R3HDM4: variants seen among roughly 807,000 people sequenced by gnomAD.
R3HDM4 encodes the protein R3H domain containing 4, also known as R3H domain-containing protein 4.
In R3HDM4, 30 loss-of-function variants were observed where a neutral mutation model predicts 31.3. The ratio of observed to expected loss-of-function variants is 0.96; its 90% CI spans 0.72 to 1.30. The LOEUF (loss-of-function observed/expected upper bound fraction) is 1.30. Among genes scored for constraint, R3HDM4 ranks in the 50% most tolerant of loss-of-function variants. R3HDM4 has a pLI of 0.00. For synonymous variants in R3HDM4, 196 were observed against 156.6 expected, an observed-to-expected ratio of 1.25 and a Z score of -1.88; for missense variants, 444 against 366.1, an observed-to-expected ratio of 1.21 and a Z score of -1.74.
At chr19:912,695 C>G (rs1476524028) in intron 1 of R3HDM4, among the ~76,000 whole-genome samples, 1 of 93,992 alleles carries the variant, frequency 1.1e-5, no homozygotes, top group Admixed American at 1.4e-4. Flanking sequence ...GGGGTGGACC[C>G]GGGAATGGAG....
intron 1 of R3HDM4, among the ~76,000 whole-genome samples, chr19:908,848 A>G (rs1221530067): frequency 1.3e-5 from 2 of 151,666 alleles, no homozygotes; most frequent in Admixed American, 6.6e-5. Flanking sequence ...TTTGCTCCTT[A>G]ATCACTAGCT....
chr19:901,866 C>G lies in R3HDM4; in HGVS notation c.226+110G>C, dbSNP rs1402554334. 6 of 1,402,578 alleles carry G rather than the reference C, an allele frequency of 4.3e-6. No homozygotes were observed. The East Asian group carries it at 9.2e-5, about 21-fold the overall frequency. The allele number at this position is 1,402,578 out of a possible 1,614,324, so 86.9% of individuals were successfully genotyped here. On this transcript the variant is annotated intron_variant, in intron 2 of 7. Transcript: ENST00000361574. Reference sequence around the variant, plus strand: ...CTACAGCTGACACCTCTTTGGGTCCCCAGCCCCACCCAGGCACAGCTCATG... The same window carrying G: ...CTACAGCTGACACCTCTTTGGGTCCGCAGCCCCACCCAGGCACAGCTCATG...
rs1413020560 is a variant in R3HDM4, at chr19:913,071, G to A, written c.71+16C>T. ...CCGCCCCCGGCGCCCGCCGCGCCCC[G>A]CCCGCCCGCGCTCACAGCAGCCGCC... On this transcript the variant is annotated intron_variant, in intron 1 of 7. Coordinates refer to ENST00000361574, the MANE Select transcript of R3HDM4 (RefSeq NM_138774.4). The surrounding 1 kb of genome is among the most constrained non-coding windows in gnomAD (Gnocchi z 5.0). The A allele has an allele frequency of 2.2e-6, 2 of 891,020 alleles. No homozygotes were observed. Among genetic ancestry groups the A allele is most frequent in the African/African-American group, 1.8e-5 (1 of 55,686 alleles). 55.2% of individuals were successfully genotyped at this position (891,020 alleles called of 1,614,324 possible).
chr19:903,242 C>T (rs1485064356), intron 1 of R3HDM4, among the ~76,000 whole-genome samples: 5 of 137,732 alleles, frequency 3.6e-5, no homozygotes, highest in Non-Finnish European at 7.8e-5. Flanking sequence ...CCCCCGCAAA[C>T]CCCCCCCTTA....
chr19:906,685 C>G (rs1023967786), intron 1 of R3HDM4, among the ~76,000 whole-genome samples: 1 of 152,146 alleles, frequency 6.6e-6, no homozygotes, highest in South Asian at 2.1e-4. Context: ...TGCCACACTG[C>G]TTTTGATCGT....
In R3HDM4 at chr19:899,950, C is replaced by T; in HGVS notation, c.561+111G>A. On this transcript the variant is annotated intron_variant, in intron 5 of 7. Transcript: ENST00000361574. This position sits in a 1 kb window ranked among gnomAD's most constrained non-coding sequence, Gnocchi z 6.8. The stretch of plus-strand genomic sequence containing the variant: ...CCCTGGTGCCGCTGTCTGTATCCTG[C>T]CCTGTTTCCCCTGACACGACCTGCA... 1 of 1,164,014 alleles carries T rather than the reference C, an allele frequency of 8.6e-7. No homozygotes were observed. Among genetic ancestry groups the T allele is most frequent in the Admixed American group, 1.9e-5 (1 of 53,580 alleles). The allele number at this position is 1,164,014 out of a possible 1,614,324, so 72.1% of individuals were successfully genotyped here. A position where few individuals can be genotyped will look rare whatever the true frequency, so the allele number is the denominator to read the frequency against.
chr19:906,931 T>G (rs2036912614), intron 1 of R3HDM4, among the ~76,000 whole-genome samples: 1 of 152,134 alleles, frequency 6.6e-6, no homozygotes. Context: ...GTCTCCTGCC[T>G]CAGCCTCCCG....
In R3HDM4 at chr19:901,956, G is replaced by A. The variant is rs114067638; in HGVS notation, c.226+20C>T. On this transcript the variant is annotated intron_variant, in intron 2 of 7. Transcript: ENST00000361574. ...CAAGGCCCAGGAGCCCCCAGGAGGC[G>A]CCTCCCGACCCCTGCTCACTGTTCT... The A allele has an allele frequency of 7.3e-5, 117 of 1,612,552 alleles. No homozygotes were observed. The African/African-American group carries it at 1.2e-3, about 16-fold the overall frequency.
At position 897,245 on chromosome 19, in the gene R3HDM4, T is replaced by G. The variant is rs2036750552; in HGVS notation, c.*192A>C. 1 of 528,618 alleles carries G rather than the reference T, an allele frequency of 1.9e-6. No individual in the cohort carries two copies. The highest frequency in any genetic ancestry group is 3.3e-6 in the Non-Finnish European group (1 of 300,532). 32.7% of individuals were successfully genotyped at this position (528,618 alleles called of 1,614,324 possible). A position where few individuals can be genotyped will look rare whatever the true frequency, so the allele number is the denominator to read the frequency against. ...TGGGAAGCTTGGAGCTGGGATGGCA[T>G]GGGCAGCCCCAGCCGCCAGCGTCTG... On this transcript the variant is annotated 3_prime_UTR_variant, in exon 8 of 8. Coordinates refer to ENST00000361574, the MANE Select transcript of R3HDM4 (RefSeq NM_138774.4).
chr19:897,792 C>T (rs185044780), intron 7 of R3HDM4, among the ~76,000 whole-genome samples: 78 of 152,348 alleles, frequency 5.1e-4, no homozygotes, highest in African/African-American at 1.8e-3. Flanking sequence ...TTCCACTGTG[C>T]GGATGGGGAC....
Position 901,465 on chromosome 19 carries a change from G to A in R3HDM4, c.308C>T (p.Pro103Leu), listed in dbSNP as rs753328874. The change falls in exon 3 of 8, where the codon CCA becomes CTA. Residue 103 changes from proline to leucine, a missense_variant. Physicochemically the swap from Pro to Leu is moderately conservative, Grantham distance 98 (BLOSUM62 -3). Coordinates refer to ENST00000361574, the MANE Select transcript of R3HDM4 (RefSeq NM_138774.4). ...GTTGCAGGCCTCGGCAAAGATGCCT[G>A]GTGATGCAGGGGGTGCCAAGTCCCC... ...EDGDLAPPAS[P>L]GIFAEACNNA... 2 of 1,609,390 alleles carry A rather than the reference G, an allele frequency of 1.2e-6. No homozygotes were observed. Among genetic ancestry groups the A allele is most frequent in the South Asian group, 2.2e-5 (2 of 90,682 alleles).
Position 899,167 on chromosome 19 carries a change from C to G in R3HDM4, c.703+273G>C, listed in dbSNP as rs1396676641. On this transcript the variant is annotated intron_variant, in intron 7 of 7. Coordinates refer to ENST00000361574, the MANE Select transcript of R3HDM4 (RefSeq NM_138774.4). This position sits in a 1 kb window ranked among gnomAD's most constrained non-coding sequence, Gnocchi z 6.8. ...TCAAATCCAGGCTTCATCACCCCCA[C>G]CCCGGGCCCCGAAGATGCAGATGGA... Among the ~76,000 whole-genome samples the G allele has an allele frequency of 6.6e-6, 1 of 152,140 alleles. No individual in the cohort carries two copies. Among genetic ancestry groups the G allele is most frequent in the Non-Finnish European group, 1.5e-5 (1 of 67,996 alleles).
rs2145281665 is a variant in R3HDM4 at position 899,328 on chromosome 19, C to G, written c.703+112G>C. On this transcript the variant is annotated intron_variant, in intron 7 of 7. Transcript: ENST00000361574. This position sits in a 1 kb window ranked among gnomAD's most constrained non-coding sequence, Gnocchi z 6.8. Reference sequence around the variant, plus strand: ...TTCGTAGCGTCCCCACTCCAGCCCCCTTCCCCACCTCCCCACCAAGCCCCA... The same window carrying G: ...TTCGTAGCGTCCCCACTCCAGCCCCGTTCCCCACCTCCCCACCAAGCCCCA... The G allele has an allele frequency of 8.8e-7, 1 of 1,140,382 alleles. No individual in the cohort carries two copies. The highest frequency in any genetic ancestry group is 1.3e-6 in the Non-Finnish European group (1 of 769,140). The allele number at this position is 1,140,382 out of a possible 1,614,324, so 70.6% of individuals were successfully genotyped here.
At position 899,324 on chromosome 19, in the gene R3HDM4, CCCCCTT is replaced by C; in HGVS notation, c.703+110_703+115del. ...TGAGTTCGTAGCGTCCCCACTCCAG[CCCCCTT>C]CCCCACCTCCCCACCAAGCCCCACT... On this transcript the variant is annotated intron_variant, in intron 7 of 7. Transcript: ENST00000361574. The surrounding 1 kb of genome is among the most constrained non-coding windows in gnomAD (Gnocchi z 6.8). 2 of 1,075,624 alleles carry C rather than the reference CCCCCTT, an allele frequency of 1.9e-6. No individual in the cohort carries two copies. The highest frequency in any genetic ancestry group is 1.4e-6 in the Non-Finnish European group (1 of 714,044). 66.6% of individuals were successfully genotyped at this position (1,075,624 alleles called of 1,614,324 possible). A position where few individuals can be genotyped will look rare whatever the true frequency, so the allele number is the denominator to read the frequency against.
At chr19:900,540 T>C (rs2036815247) in intron 4 of R3HDM4, among the ~76,000 whole-genome samples, 3 of 128,034 alleles carry the variant, frequency 2.3e-5, no homozygotes, top group South Asian at 5.4e-4. Flanking sequence ...ACACACCCCA[T>C]TGCCCTGTCC....
chr19:901,826 A>G, intron 2 of R3HDM4, 150 bp downstream of exon 2: 7 of 771,134 alleles, frequency 9.1e-6, no homozygotes, highest in Non-Finnish European at 1.3e-5. Context: ...GGCTCTATTT[A>G]TATGGTCCCC....
intron 3 of R3HDM4, 103 bp downstream of exon 3, chr19:901,319 T>C: frequency 7.8e-7 from 1 of 1,283,266 alleles, no homozygotes; most frequent in Non-Finnish European, 1.1e-6. Context: ...AGATCAGAAG[T>C]GGGCGGGTGC....
Position 906,033 on chromosome 19 carries a change from T to C in R3HDM4, c.72-3903A>G, listed in dbSNP as rs541808819. Among the ~76,000 whole-genome samples the C allele has an allele frequency of 3.1e-3, 463 of 147,674 alleles. 5 individuals are homozygous for C. Among genetic ancestry groups the C allele is most frequent in the African/African-American group, 0.01 (405 of 39,684 alleles). ...ACGAAGCTTCACCCTGAAACCCCCT[T>C]TTTTTTTTTGAGACAGAGTCTCACT... On this transcript the variant is annotated intron_variant, in intron 1 of 7. Transcript: ENST00000361574.
intron 1 of R3HDM4, among the ~76,000 whole-genome samples, chr19:910,692 A>G (rs1036764839): frequency 6.6e-6 from 1 of 152,192 alleles, no homozygotes; most frequent in Non-Finnish European, 1.5e-5. Context: ...TCAATTAACC[A>G]ATCAACCAAT....
Sources: allele counts gnomAD v4.1 joint callset (sites outside exome capture counted in the v4.1 genomes callset), GRCh38; gene constraint gnomAD v4.1.1; non-coding constraint Gnocchi (gnomAD v3.1); transcripts MANE v1.5; gene names NCBI Gene and HGNC (gene_info 2026-07-23, HGNC 2026-07-21).